Variants in PCDH15 observed in about 807,000 individuals in gnomAD.
PCDH15 encodes protocadherin-15.
PCDH15 carries 129 observed loss-of-function variants against 178.5 expected under a neutral mutation model. That is an observed-to-expected ratio of 0.72 (90% CI 0.63 to 0.84). PCDH15 has a LOEUF of 0.84. PCDH15 is among the 40% of genes least tolerant of loss of function. The pLI is 0.00. For missense variants in PCDH15, 2,230 were observed against 2,099.9 expected (o/e 1.06, Z -1.21); for synonymous variants, 800 against 732.0 (o/e 1.09, Z -1.50).
chr10:54,490,929 A>G (rs904552153), intron 3 of PCDH15, among the ~76,000 whole-genome samples: 1 of 152,174 alleles, frequency 6.6e-6, no homozygotes, highest in Non-Finnish European at 1.5e-5. Context: ...ATTACATGTT[A>G]CTCCAGATGC....
intron 3 of PCDH15, among the ~76,000 whole-genome samples, chr10:54,383,619 A>ATATGTG (rs1554943458): frequency 8.8e-4 from 21 of 23,822 alleles, no homozygotes; most frequent in Non-Finnish European, 1.8e-3. Context: ...CATGCCGTGT[A>ATATGTG]TGTGTGTTTT....
At chr10:54,316,238 G>T (rs1486026549) in intron 8 of PCDH15, among the ~76,000 whole-genome samples, 1 of 151,940 alleles carries the variant, frequency 6.6e-6, no homozygotes, top group East Asian at 1.9e-4. Context: ...TTTTAGATCT[G>T]CTGTGAGAAA....
intron 1 of PCDH15, among the ~76,000 whole-genome samples, chr10:55,231,823 A>G (rs567374372): frequency 6.6e-6 from 1 of 151,998 alleles, no homozygotes; most frequent in Non-Finnish European, 1.5e-5. Context: ...ATTACATATC[A>G]AAAATAATTT....
Position 54,812,544 on chromosome 10 carries a change from C to T in PCDH15, c.-29+84906G>A, listed in dbSNP as rs539942124. Among the ~76,000 whole-genome samples the T allele has an allele frequency of 1.6e-3, 242 of 152,028 alleles. 3 individuals carry two copies. Among genetic ancestry groups the T allele is most frequent in the African/African-American group, 5.4e-3 (222 of 41,464 alleles). On this transcript the variant is annotated intron_variant, in intron 3 of 5. Coordinates refer to the PCDH15 transcript ENST00000458638. ...CGCGATCTCAGCTCACTGCAACTTC[C>T]GCCTCCCCGGTTCAAGTGATTCTCC...
At chr10:54,665,771 AT>A (rs1363603992) in intron 1 of PCDH15, among the ~76,000 whole-genome samples, 2 of 151,870 alleles carry the variant, frequency 1.3e-5, no homozygotes, top group Non-Finnish European at 2.9e-5. Flanking sequence ...GGCCTTCCAC[AT>A]TTTTTCCTAA....
chr10:54,940,165 T>C (rs1413667315), intron 2 of PCDH15, among the ~76,000 whole-genome samples: 2 of 152,138 alleles, frequency 1.3e-5, no homozygotes, highest in Non-Finnish European at 2.9e-5. Flanking sequence ...TTAAAATATA[T>C]ATACTTACAG....
intron 2 of PCDH15, among the ~76,000 whole-genome samples, chr10:55,503,434 A>T (rs1408023855): frequency 6.7e-6 from 1 of 149,524 alleles, no homozygotes; most frequent in Non-Finnish European, 1.5e-5. Context: ...AAATATATGG[A>T]ATGTTTATTT....
chr10:54,028,798 G>C (rs1296341298), intron 18 of PCDH15, among the ~76,000 whole-genome samples: 1 of 72,774 alleles, frequency 1.4e-5, no homozygotes, highest in African/African-American at 5.2e-5. Flanking sequence ...TGGGGTGGGG[G>C]GAGGGGGGAG....
chr10:55,328,790 T>C (rs924079647), intron 2 of PCDH15, among the ~76,000 whole-genome samples: 9 of 150,802 alleles, frequency 6.0e-5, no homozygotes, highest in Non-Finnish European at 7.4e-5. Flanking sequence ...ATTTAAAGCA[T>C]ATAGGGGGAT....
In PCDH15 at chr10:55,619,877, G is replaced by A. The variant is rs549940588; in HGVS notation, c.-156+7748C>T. 3.7e-4 allele frequency among the ~76,000 whole-genome samples: 56 copies of A among 152,058 alleles called. No homozygotes were observed. The South Asian group carries it at 7.3e-3, about 20-fold the overall frequency. ...AAGCTCATTAAAGTAAGTCTGCACT[G>A]GCCAACTTTTTATTTATTAATTAAA... is the stretch of plus-strand genomic sequence containing the variant. On this transcript the variant is annotated intron_variant, in intron 2 of 5. Coordinates refer to the PCDH15 transcript ENST00000613346.
chr10:55,186,743 C>T (rs376771196), intron 1 of PCDH15, among the ~76,000 whole-genome samples: 1 of 150,228 alleles, frequency 6.7e-6, no homozygotes, highest in Non-Finnish European at 1.5e-5. Flanking sequence ...ATACTCTCCT[C>T]TGTGTGTGTG....
At chr10:54,709,771 T>C (rs1405948372) in intron 1 of PCDH15, among the ~76,000 whole-genome samples, 1 of 148,848 alleles carries the variant, frequency 6.7e-6, no homozygotes, top group Admixed American at 6.7e-5. Context: ...TATCTTAATA[T>C]GTATATAAAA....
At chr10:54,889,835 T>C (rs1954428535) in intron 3 of PCDH15, among the ~76,000 whole-genome samples, 1 of 151,848 alleles carries the variant, frequency 6.6e-6, no homozygotes, top group Non-Finnish European at 1.5e-5. Context: ...ATTGTGCGAA[T>C]AACCCTAAAA....
intron 2 of PCDH15, among the ~76,000 whole-genome samples, chr10:55,552,038 A>G (rs1471544462): frequency 1.3e-5 from 2 of 151,778 alleles, no homozygotes; most frequent in Non-Finnish European, 3.0e-5. Flanking sequence ...AAAAGTATCC[A>G]TATGCAAAAA....
chr10:54,082,918 C>A (rs984643504), intron 16 of PCDH15, among the ~76,000 whole-genome samples: 2 of 151,860 alleles, frequency 1.3e-5, no homozygotes, highest in Admixed American at 1.3e-4. Flanking sequence ...AAAAAGAAAT[C>A]CCAATTTAAA....
In PCDH15 at chr10:54,998,656, A is replaced by T. The variant is rs970387886; in HGVS notation, c.-79-101156T>A. On this transcript the variant is annotated intron_variant, in intron 2 of 5. Coordinates refer to the PCDH15 transcript ENST00000458638. ...TAAAGAAATACATTGGCAATTTGGC[A>T]ATTCTTTTTTTAATATTGTTAAGCA... is the stretch of plus-strand genomic sequence containing the variant. Among the ~76,000 whole-genome samples, 3 of 152,154 alleles carry T rather than the reference A, an allele frequency of 2.0e-5. 1 individual carries two copies. The highest frequency in any genetic ancestry group is 4.4e-5 in the Non-Finnish European group (3 of 67,998).
At chr10:55,437,628 G>A (rs1163552189) in intron 2 of PCDH15, among the ~76,000 whole-genome samples, 2 of 151,970 alleles carry the variant, frequency 1.3e-5, no homozygotes, top group East Asian at 3.9e-4. Flanking sequence ...AGAAACAATA[G>A]AAATAGTAAA....
At chr10:53,969,672 G>T (rs555751734) in intron 21 of PCDH15, among the ~76,000 whole-genome samples, 151 of 152,278 alleles carry the variant, frequency 9.9e-4, no homozygotes, top group African/African-American at 3.4e-3. Flanking sequence ...AGCAAAAAAT[G>T]TACAAGTCAG....
chr10:54,520,951 C>G (rs1460906657), intron 3 of PCDH15, among the ~76,000 whole-genome samples: 2 of 151,382 alleles, frequency 1.3e-5, no homozygotes, highest in African/African-American at 4.9e-5. Flanking sequence ...TCTCAGCAAA[C>G]TATCGCAAGG....
Sources: allele counts gnomAD v4.1 joint callset (sites outside exome capture counted in the v4.1 genomes callset), GRCh38; gene constraint gnomAD v4.1.1; transcripts MANE v1.5; gene names NCBI Gene and HGNC (gene_info 2026-07-23, HGNC 2026-07-21).